CYP19A1: variants seen among roughly 807,000 people sequenced by gnomAD.
CYP19A1 encodes cytochrome P450 family 19 subfamily A member 1, also known as aromatase.
A neutral mutation model predicts 44.4 loss-of-function variants in CYP19A1; 32 were observed. The observed-to-expected ratio is 0.72, with a 90% CI of 0.54 to 0.97. The LOEUF (loss-of-function observed/expected upper bound fraction) is 0.97, where lower values mean the gene tolerates loss of function less well. CYP19A1 is among the 50% of genes least tolerant of loss of function. CYP19A1 has a pLI of 0.00. For synonymous variants in CYP19A1, 212 were observed against 215.6 expected (o/e 0.98, Z 0.14); for missense variants, 598 against 637.8 (o/e 0.94, Z 0.67).
At chr15:51,295,130 C>T (rs2035963280) in intron 1 of CYP19A1, among the ~76,000 whole-genome samples, 1 of 137,042 alleles carries the variant, frequency 7.3e-6, no homozygotes, top group Non-Finnish European at 1.5e-5. Context: ...AGCGAATTAA[C>T]AACGTGTTTT....
intron 4 of CYP19A1, 43 bp from the exon 5 acceptor site, chr15:51,222,568 G>A (rs553042118): frequency 6.5e-7 from 1 of 1,531,464 alleles, no homozygotes; most frequent in African/African-American, 1.4e-5. Context: ...CGAACTCCAG[G>A]GCACACACAC....
chr15:51,228,152 C>T (rs977715644), intron 3 of CYP19A1, among the ~76,000 whole-genome samples: 1 of 152,148 alleles, frequency 6.6e-6, no homozygotes, highest in South Asian at 2.1e-4. Context: ...TTCAACATCA[C>T]CAAAGATAGA....
At chr15:51,334,474 G>A (rs570134348) in intron 1 of CYP19A1, among the ~76,000 whole-genome samples, 7 of 152,184 alleles carry the variant, frequency 4.6e-5, no homozygotes, top group African/African-American at 1.7e-4. Context: ...AAAAACAGTG[G>A]CTCGAGTTCC....
intron 1 of CYP19A1, among the ~76,000 whole-genome samples, chr15:51,284,902 C>T (rs748687311): frequency 2.0e-5 from 3 of 152,232 alleles, no homozygotes; most frequent in Non-Finnish European, 2.9e-5. Context: ...TGAGCCACAG[C>T]ATCTAGCGGA....
intron 1 of CYP19A1, among the ~76,000 whole-genome samples, chr15:51,276,361 C>T (rs899140669): frequency 3.3e-5 from 5 of 152,148 alleles, no homozygotes; most frequent in Non-Finnish European, 5.9e-5. Context: ...CACATGAACT[C>T]GAAAGACACA....
chr15:51,234,508 T>A (rs1459672596), intron 3 of CYP19A1, among the ~76,000 whole-genome samples: 1 of 152,120 alleles, frequency 6.6e-6, no homozygotes, highest in Admixed American at 6.5e-5. Context: ...ATTCACGGAC[T>A]TTTTCTGGAG....
At chr15:51,211,447 G>T (rs909098317) in intron 9 of CYP19A1, among the ~76,000 whole-genome samples, 3 of 152,206 alleles carry the variant, frequency 2.0e-5, no homozygotes, top group Admixed American at 1.3e-4. Flanking sequence ...GGCAAGCAAG[G>T]ATGTAGATTC....
chr15:51,213,378 G>T (rs2031227365), intron 8 of CYP19A1, among the ~76,000 whole-genome samples: 2 of 152,190 alleles, frequency 1.3e-5, no homozygotes, highest in Admixed American at 6.5e-5. Context: ...ACTTTTGCAG[G>T]ATGAAAAATA....
intron 1 of CYP19A1, among the ~76,000 whole-genome samples, chr15:51,268,586 G>T (rs1204692868): frequency 7.0e-6 from 1 of 142,834 alleles, no homozygotes; most frequent in African/African-American, 2.6e-5. Context: ...ACAAGTCTTT[G>T]TGTGGACATA....
At chr15:51,223,282 T>TGAATGAAA (rs1160352729) in intron 4 of CYP19A1, among the ~76,000 whole-genome samples, 1 of 152,044 alleles carries the variant, frequency 6.6e-6, no homozygotes, top group Non-Finnish European at 1.5e-5. Context: ...AATGAATGAA[T>TGAATGAAA]GAAAATAGAG....
chr15:51,278,939 A>G (rs1397648541), intron 1 of CYP19A1: 1 of 152,234 alleles, frequency 6.6e-6, no homozygotes, highest in African/African-American at 2.4e-5. Flanking sequence ...TTTAAATGAA[A>G]GACTCAAGTT....
chr15:51,301,897 A>C (rs796809125), intron 1 of CYP19A1, among the ~76,000 whole-genome samples: 1 of 152,266 alleles, frequency 6.6e-6, no homozygotes, highest in Non-Finnish European at 1.5e-5. Flanking sequence ...TAAGATTTTC[A>C]TAATTATTTC....
intron 1 of CYP19A1, chr15:51,313,297 C>T (rs1373443096): frequency 6.6e-6 from 1 of 152,230 alleles, no homozygotes; most frequent in Admixed American, 6.5e-5. Flanking sequence ...ACTCATTCAA[C>T]CTGAATCAAA....
At chr15:51,249,022 C>CTTGA (rs2034191957) in intron 1 of CYP19A1, among the ~76,000 whole-genome samples, 2 of 151,824 alleles carry the variant, frequency 1.3e-5, no homozygotes, top group African/African-American at 4.8e-5. Context: ...TCACTGCAAC[C>CTTGA]TCCGCCTCCC....
chr15:51,291,829 G>T (rs1016011493), intron 1 of CYP19A1, among the ~76,000 whole-genome samples: 6 of 152,346 alleles, frequency 3.9e-5, no homozygotes, highest in Admixed American at 3.9e-4. Context: ...CACTAATGAA[G>T]AAGCAGAAAA....
chr15:51,246,348 C>T (rs1195660616), intron 1 of CYP19A1, among the ~76,000 whole-genome samples: 1 of 152,180 alleles, frequency 6.6e-6, no homozygotes, highest in Non-Finnish European at 1.5e-5. Context: ...CCACTGCCCT[C>T]TCAGGGTCAT....
Position 51,215,083 on chromosome 15 carries a change from G to A in CYP19A1, c.1008C>T (p.Ile336=), listed in dbSNP as rs1308403054. Residue 336 remains isoleucine, a synonymous_variant, in exon 8 of 10, where the codon ATC becomes ATT. Coordinates refer to ENST00000396402, the MANE Select transcript of CYP19A1 (RefSeq NM_000103.4). ...ATAAATTCTTACCAATAACAGTCTG[G>A]ATTTCCTTTATTATTGCCTCTTCAA... ...PNVEEAIIKE[I]QTVIGERDIK... The A allele has an allele frequency of 2.5e-6, 4 of 1,613,602 alleles. No homozygotes were observed. The African/African-American group carries it at 4.0e-5, about 16-fold the overall frequency.
intron 3 of CYP19A1, among the ~76,000 whole-genome samples, chr15:51,236,271 T>C (rs2033387277): frequency 6.6e-6 from 1 of 152,220 alleles, no homozygotes; most frequent in South Asian, 2.1e-4. Flanking sequence ...TTTAATCGGA[T>C]TCAGCCAAGG....
chr15:51,231,961 C>T (rs2033071366), intron 3 of CYP19A1, among the ~76,000 whole-genome samples: 1 of 152,098 alleles, frequency 6.6e-6, no homozygotes, highest in African/African-American at 2.4e-5. Context: ...TCCCCAGGGA[C>T]CTCTTCACAT....
Sources: gnomAD v4.1 joint callset for allele counts (sites outside exome capture counted in the v4.1 genomes callset) on GRCh38, gnomAD v4.1.1 for gene constraint, MANE v1.5 for transcripts, NCBI Gene and HGNC (gene_info 2026-07-23, HGNC 2026-07-21) for gene names.